SCN3A: variants seen among roughly 807,000 people sequenced by gnomAD.
SCN3A encodes sodium channel protein type 3 subunit alpha.
In SCN3A, 60 loss-of-function variants were observed where a neutral mutation model predicts 187.6. The observed-to-expected ratio is 0.32, with a 90% CI of 0.26 to 0.40. SCN3A has a LOEUF of 0.40. SCN3A is among the 10% of genes least tolerant of loss of function. The pLI is 1.00. For missense variants in SCN3A, 1,601 were observed against 2,428.2 expected (o/e 0.66, Z 7.16); for synonymous variants, 788 against 829.2 (o/e 0.95, Z 0.85).
rs1689550828 is a variant in SCN3A, at chr2:165,163,709, T to C, written c.603A>G (p.Ala201=). The C allele has an allele frequency of 6.2e-7, 1 of 1,614,002 alleles. No individual in the cohort carries two copies. Among genetic ancestry groups the C allele is most frequent in the Non-Finnish European group, 8.5e-7 (1 of 1,179,970 alleles). The change falls in exon 7 of 28, where the codon GCA becomes GCG. Residue 201 remains alanine, a splice_region_variant and synonymous_variant. Transcript: ENST00000283254. ...NWLDFSVIVM[A]YVTEFVDLGN... is the part of the protein sequence containing the mutation. ...CCAGGTCCACAAACTCTGTCACATA[T>C]CTGTAATAGGGGAGTTCACACACAA...
At chr2:165,193,101 A>C (rs953656645) in intron 1 of SCN3A, among the ~76,000 whole-genome samples, 2 of 152,152 alleles carry the variant, frequency 1.3e-5, no homozygotes, top group African/African-American at 4.8e-5. Context: ...CATGGGACTC[A>C]TTATATTTCT....
rs747673178 is a variant in SCN3A at position 165,131,399 on chromosome 2, T to C, written c.2410A>G (p.Thr804Ala). ...VGNLVFTGIF[T>A]AEMVLKIIAM... is the part of the protein sequence containing the mutation. ...ATGATCTTGAGAACCATTTCTGCTGTGAAAATCCCAGTAAAGACCTAAAAA... is the reference window on the plus strand; with the variant it reads ...ATGATCTTGAGAACCATTTCTGCTGCGAAAATCCCAGTAAAGACCTAAAAA... The change falls in exon 16 of 28, where the codon ACA becomes GCA. Residue 804 changes from threonine (T) to alanine (A), a missense_variant. Coordinates refer to ENST00000283254, the MANE Select transcript of SCN3A (RefSeq NM_006922.4). 6 of 1,604,412 alleles carry C rather than the reference T, an allele frequency of 3.7e-6. No homozygotes were observed. In the South Asian group the frequency reaches 6.7e-5, roughly 18 times the overall value.
chr2:165,131,946 G>A (rs1182861811), intron 15 of SCN3A, among the ~76,000 whole-genome samples: 1 of 151,676 alleles, frequency 6.6e-6, no homozygotes, highest in Non-Finnish European at 1.5e-5. Flanking sequence ...ATTTTTTATG[G>A]CTGCATAGTA....
Position 165,140,100 on chromosome 2 carries a change from A to T in SCN3A, c.2020-492T>A, listed in dbSNP as rs1340686895. ...TTCCATGCACAAACACAGATGTACG[A>T]TGAAATGTGTGTGCTTTCCTGAAAT... On this transcript the variant is annotated intron_variant, in intron 13 of 27. Coordinates refer to ENST00000283254, the MANE Select transcript of SCN3A (RefSeq NM_006922.4). This position sits in a 1 kb window ranked among gnomAD's most constrained non-coding sequence, Gnocchi z 4.2. Among the ~76,000 whole-genome samples the T allele has an allele frequency of 6.6e-6, 1 of 152,182 alleles. No individual in the cohort carries two copies. The highest frequency in any genetic ancestry group is 2.4e-5 in the African/African-American group (1 of 41,454).
chr2:165,123,377 CTT>C (rs1686804761), intron 18 of SCN3A, among the ~76,000 whole-genome samples: 1 of 152,084 alleles, frequency 6.6e-6, no homozygotes, highest in Admixed American at 6.6e-5. Context: ...GATCATTTCT[CTT>C]TAGCTGCGAT....
At chr2:165,190,648 A>G (rs1325512187) in intron 1 of SCN3A, among the ~76,000 whole-genome samples, 1 of 148,920 alleles carries the variant, frequency 6.7e-6, no homozygotes, top group Non-Finnish European at 1.5e-5. Flanking sequence ...AGAAGAGGTG[A>G]GATATAATAA....
intron 25 of SCN3A, 31 bp downstream of exon 25, chr2:165,095,480 T>C: frequency 6.2e-7 from 1 of 1,605,978 alleles, no homozygotes; most frequent in South Asian, 1.1e-5. Context: ...AACCCCAGAA[T>C]GAAGAAAGGT....
intron 11 of SCN3A, among the ~76,000 whole-genome samples, chr2:165,149,874 G>C (rs1688592665): frequency 1.3e-5 from 2 of 152,154 alleles, no homozygotes; most frequent in South Asian, 4.1e-4. Context: ...GTAACTCACT[G>C]TATCTGTGTG....
At chr2:165,160,083 C>T (rs1574259530) in intron 9 of SCN3A, among the ~76,000 whole-genome samples, 1 of 134,440 alleles carries the variant, frequency 7.4e-6, no homozygotes, top group African/African-American at 3.1e-5. Context: ...GAGCCGAGAT[C>T]GCGCCACTGC....
intron 1 of SCN3A, among the ~76,000 whole-genome samples, chr2:165,190,063 T>C (rs975247206): frequency 6.6e-6 from 1 of 152,190 alleles, no homozygotes. Flanking sequence ...TAGGTGGGAA[T>C]GTGGTTGGCT....
At chr2:165,101,945 G>A (rs1218718153) in intron 21 of SCN3A, among the ~76,000 whole-genome samples, 1 of 152,210 alleles carries the variant, frequency 6.6e-6, no homozygotes, top group Non-Finnish European at 1.5e-5. Context: ...TTGATTAGTG[G>A]CAGGATAATT....
At chr2:165,143,205 AAC>A (rs1688118315) in intron 12 of SCN3A, among the ~76,000 whole-genome samples, 1 of 152,154 alleles carries the variant, frequency 6.6e-6, no homozygotes, top group Non-Finnish European at 1.5e-5. Context: ...AGGTGACCCT[AAC>A]ACAGGGTGGA....
At chr2:165,202,843 C>G (rs1692404731) in intron 1 of SCN3A, among the ~76,000 whole-genome samples, 1 of 151,996 alleles carries the variant, frequency 6.6e-6, no homozygotes, top group Non-Finnish European at 1.5e-5. Flanking sequence ...CCACATTATA[C>G]TACCTGTTGT....
At chr2:165,164,599 A>C in intron 5 of SCN3A, 79 bp from the exon 6 acceptor site, 1 of 1,493,052 alleles carries the variant, frequency 6.7e-7, no homozygotes, top group Non-Finnish European at 9.2e-7. Flanking sequence ...AGCAAATCCT[A>C]TCCTTTTGTG....
intron 18 of SCN3A, among the ~76,000 whole-genome samples, chr2:165,124,835 C>T (rs17829560): frequency 0.13 from 20,371 of 152,038 alleles, 1,494 homozygotes; most frequent in Non-Finnish European, 0.16. Flanking sequence ...TCATTGCTAC[C>T]GAATGATTAT....
At chr2:165,176,853 T>G (rs1690502077) in intron 2 of SCN3A, among the ~76,000 whole-genome samples, 1 of 152,184 alleles carries the variant, frequency 6.6e-6, no homozygotes. Context: ...TCAATAAAAT[T>G]GCTTAATTAT....
chr2:165,125,452 C>T (rs776120126), intron 18 of SCN3A, among the ~76,000 whole-genome samples: 1 of 151,940 alleles, frequency 6.6e-6, no homozygotes, highest in East Asian at 1.9e-4. Flanking sequence ...TACAGGTGCC[C>T]GCCACCGCAC....
chr2:165,171,163 C>A (rs1430088021), intron 3 of SCN3A, among the ~76,000 whole-genome samples: 2 of 151,998 alleles, frequency 1.3e-5, no homozygotes, highest in African/African-American at 4.8e-5. Context: ...AAGCTACAAT[C>A]ATCCACTTAG....
intron 9 of SCN3A, among the ~76,000 whole-genome samples, chr2:165,161,137 C>CTTTTTTTTTTTTTTT (rs61608647): frequency 4.3e-3 from 406 of 93,370 alleles, no homozygotes; most frequent in Non-Finnish European, 6.2e-3. Context: ...TTCTTTCTTT[C>CTTTTTTTTTTTTTTT]TTTTTTTTTT....
Sources: gnomAD v4.1 joint callset for allele counts (sites outside exome capture counted in the v4.1 genomes callset) on GRCh38, gnomAD v4.1.1 for gene constraint, Gnocchi (gnomAD v3.1) non-coding constraint, MANE v1.5 for transcripts, NCBI Gene and HGNC (gene_info 2026-07-23, HGNC 2026-07-21) for gene names.